Variants in MSI2 observed in about 807,000 individuals in gnomAD.
MSI2 encodes the protein RNA-binding protein Musashi homolog 2.
Under a neutral mutation model 45.6 loss-of-function variants are expected in MSI2, and 17 were observed. That is an observed-to-expected ratio of 0.37 (90% CI 0.26 to 0.56). MSI2 has a LOEUF of 0.56. Among genes scored for constraint, MSI2 ranks in the 20% least tolerant of loss-of-function variants. MSI2 has a pLI of 0.77. For synonymous variants in MSI2, 156 were observed against 158.2 expected (o/e 0.99, Z 0.11); for missense variants, 293 against 444.2 (o/e 0.66, Z 3.06).
intron 5 of MSI2, among the ~76,000 whole-genome samples, chr17:57,347,487 C>T (rs1291099618): frequency 6.7e-6 from 1 of 148,598 alleles, no homozygotes; most frequent in Non-Finnish European, 1.5e-5. Context: ...GCCCCATCCG[C>T]ATGTGTTCAG....
chr17:57,619,764 C>T (rs1190882855), intron 9 of MSI2, among the ~76,000 whole-genome samples: 2 of 152,152 alleles, frequency 1.3e-5, no homozygotes, highest in Non-Finnish European at 1.5e-5. Flanking sequence ...AGCGCCTGCT[C>T]GCTGGGGGAT....
chr17:57,657,856 T>G (rs1911718545), intron 11 of MSI2, among the ~76,000 whole-genome samples: 2 of 152,178 alleles, frequency 1.3e-5, no homozygotes, highest in Admixed American at 1.3e-4. Context: ...ATGTATTTAT[T>G]AAGGATTTGT....
intron 11 of MSI2, among the ~76,000 whole-genome samples, chr17:57,669,953 A>G (rs1912661867): frequency 1.3e-5 from 2 of 152,192 alleles, no homozygotes; most frequent in Non-Finnish European, 2.9e-5. Context: ...GATGACTGAA[A>G]TTGTCTTGAG....
At chr17:57,643,882 T>G (rs376381779) in intron 10 of MSI2, among the ~76,000 whole-genome samples, 9 of 152,342 alleles carry the variant, frequency 5.9e-5, no homozygotes, top group Middle Eastern at 3.4e-3. Context: ...CCTCTCTCCT[T>G]TAGGCAACAG....
Position 57,674,956 on chromosome 17 carries a change from C to T in MSI2, c.791-16C>T, listed in dbSNP as rs1437333289. 1 of 1,612,704 alleles carries T rather than the reference C, an allele frequency of 6.2e-7. No homozygotes were observed. Among genetic ancestry groups the T allele is most frequent in the East Asian group, 2.2e-5 (1 of 44,872 alleles). On this transcript the variant is annotated splice_polypyrimidine_tract_variant and intron_variant, in intron 11 of 13. Coordinates refer to ENST00000284073, the MANE Select transcript of MSI2 (RefSeq NM_138962.4). ...CAGTGCTCAACCGAATTTTGGCGCG[C>T]CCGCTTCCCCGGCAGGCTCCAACCC...
At chr17:57,420,057 C>A (rs554343621) in intron 6 of MSI2, among the ~76,000 whole-genome samples, 27 of 152,330 alleles carry the variant, frequency 1.8e-4, no homozygotes, top group African/African-American at 5.5e-4. Flanking sequence ...GATCTGACGA[C>A]CTTGTAAGGA....
intron 11 of MSI2, among the ~76,000 whole-genome samples, chr17:57,662,004 C>T (rs551025234): frequency 1.8e-4 from 28 of 152,264 alleles, no homozygotes; most frequent in African/African-American, 6.5e-4. Flanking sequence ...CTGCTTTCCC[C>T]AACAATACAA....
At chr17:57,491,657 G>A (rs2143809539) in intron 6 of MSI2, among the ~76,000 whole-genome samples, 1 of 152,330 alleles carries the variant, frequency 6.6e-6, no homozygotes, top group Non-Finnish European at 1.5e-5. Context: ...GGGGAGTTGG[G>A]GTAGAGACCA....
chr17:57,328,482 C>T (rs1174903991), intron 5 of MSI2, among the ~76,000 whole-genome samples: 1 of 152,222 alleles, frequency 6.6e-6, no homozygotes, highest in Non-Finnish European at 1.5e-5. Flanking sequence ...TATTTCTCCT[C>T]TTAAAAAATT....
chr17:57,315,868 G>A (rs530900728), intron 5 of MSI2, among the ~76,000 whole-genome samples: 4 of 152,100 alleles, frequency 2.6e-5, no homozygotes, highest in Admixed American at 6.5e-5. Flanking sequence ...TCACCCCACA[G>A]AGCTAATTTG....
chr17:57,566,321 G>A (rs190148613), intron 7 of MSI2, among the ~76,000 whole-genome samples: 2 of 152,268 alleles, frequency 1.3e-5, no homozygotes, highest in Admixed American at 6.5e-5. Flanking sequence ...AATGGTCTGC[G>A]AAGTGCTGAG....
intron 5 of MSI2, among the ~76,000 whole-genome samples, chr17:57,320,805 G>C (rs1264718424): frequency 3.9e-5 from 6 of 152,160 alleles, no homozygotes; most frequent in Non-Finnish European, 5.9e-5. Context: ...GGGTCCTGCA[G>C]AGGGTGTGTC....
intron 7 of MSI2, among the ~76,000 whole-genome samples, chr17:57,548,898 T>TCC (rs758120237): frequency 0.012 from 1,448 of 121,272 alleles, 44 homozygotes; most frequent in African/African-American, 0.047. Flanking sequence ...TGTTTACCCT[T>TCC]CCCCCCCCCA....
chr17:57,289,926 G>T (rs1339694515), intron 5 of MSI2, among the ~76,000 whole-genome samples: 1 of 152,266 alleles, frequency 6.6e-6, no homozygotes, highest in Non-Finnish European at 1.5e-5. Flanking sequence ...AGGAGAACCA[G>T]ATGGCTTTAT....
chr17:57,378,994 C>T (rs2695348), intron 5 of MSI2, among the ~76,000 whole-genome samples: 25,503 of 151,970 alleles, frequency 0.17, 2,149 homozygotes, highest in African/African-American at 0.2. Flanking sequence ...GTGGGGTCTG[C>T]AGTCCTCTGA....
chr17:57,425,460 G>A (rs1348142569), intron 6 of MSI2, among the ~76,000 whole-genome samples: 4 of 152,250 alleles, frequency 2.6e-5, no homozygotes, highest in East Asian at 3.9e-4. Context: ...TATAAACTAC[G>A]GTTGTGTACA....
At chr17:57,550,640 C>T (rs1196988589) in intron 7 of MSI2, among the ~76,000 whole-genome samples, 1 of 152,154 alleles carries the variant, frequency 6.6e-6, no homozygotes, top group Non-Finnish European at 1.5e-5. Flanking sequence ...AACGAGCTCT[C>T]CGTTTTCTTA....
At chr17:57,559,067 AAAAG>A (rs1176886541) in intron 7 of MSI2, among the ~76,000 whole-genome samples, 3 of 152,204 alleles carry the variant, frequency 2.0e-5, no homozygotes, top group South Asian at 4.1e-4. Context: ...CATCTAAAAA[AAAAG>A]AAAGAAAGAA....
chr17:57,529,457 A>T lies in MSI2; in HGVS notation c.406-219A>T, dbSNP rs1239507302. 6.6e-6 allele frequency among the ~76,000 whole-genome samples: 1 copy of T among 152,144 alleles called. No homozygotes were observed. Among genetic ancestry groups the T allele is most frequent in the Non-Finnish European group, 1.5e-5 (1 of 68,030 alleles). On this transcript the variant is annotated intron_variant, in intron 6 of 13. Coordinates refer to ENST00000284073, the MANE Select transcript of MSI2 (RefSeq NM_138962.4). This position sits in a 1 kb window ranked among gnomAD's most constrained non-coding sequence, Gnocchi z 5.3. ...TCTCAAAAAATAAAAAGCAGACACT[A>T]AAGGGAACTATATAAAATGTTAACT... is the stretch of plus-strand genomic sequence containing the variant.
Sources: gnomAD v4.1 joint callset for allele counts (sites outside exome capture counted in the v4.1 genomes callset) on GRCh38, gnomAD v4.1.1 for gene constraint, Gnocchi (gnomAD v3.1) non-coding constraint, MANE v1.5 for transcripts, NCBI Gene and HGNC (gene_info 2026-07-23, HGNC 2026-07-21) for gene names.